The following LHFPL3 variants were observed in gnomAD, a reference collection of about 807,000 sequenced individuals.
The protein encoded by LHFPL3 is LHFPL tetraspan subfamily member 3.
A neutral mutation model predicts 19.3 loss-of-function variants in LHFPL3; 5 were observed. The observed-to-expected ratio is 0.26, with a 90% CI of 0.14 to 0.54. LHFPL3 has a LOEUF of 0.54. LHFPL3 is among the 20% of genes least tolerant of loss of function. The pLI, the probability that LHFPL3 is intolerant of heterozygous loss-of-function variation, is 0.94. For missense variants in LHFPL3, 249 were observed against 307.4 expected (o/e 0.81, Z 1.42); for synonymous variants, 133 against 126.2 (o/e 1.05, Z -0.36).
chr7:104,533,387 G>C (rs41068), intron 1 of LHFPL3, among the ~76,000 whole-genome samples: 120,859 of 152,080 alleles, frequency 0.79, 48,783 homozygotes, highest in African/African-American at 0.95. Flanking sequence ...TTTGTCTTCT[G>C]TTCCCCTCCC....
intron 1 of LHFPL3, among the ~76,000 whole-genome samples, chr7:104,452,346 C>A (rs971038416): frequency 1.3e-5 from 2 of 152,194 alleles, no homozygotes; most frequent in Admixed American, 1.3e-4. Context: ...AAGTTGTTTA[C>A]ACTTTTCATA....
At position 104,665,704 on chromosome 7, in the gene LHFPL3, G is replaced by C. The variant is rs539510804; in HGVS notation, c.446-70971G>C. Among the ~76,000 whole-genome samples the C allele has an allele frequency of 6.0e-4, 92 of 152,334 alleles. 1 individual carries two copies. In the South Asian group the frequency reaches 0.017, roughly 28 times the overall value. On this transcript the variant is annotated intron_variant, in intron 1 of 2. Coordinates refer to ENST00000424859, the MANE Select transcript of LHFPL3 (RefSeq NM_199000.3). ...AAGCTTAAATGCGTTTTTTATCTCT[G>C]CTCAAAGGTGAGTTATTTCAGATGC...
chr7:104,774,475 G>A lies in LHFPL3; in HGVS notation c.682+37564G>A, dbSNP rs1490555352. ...ACAATGGGTTCAGAATTTGGCCCCAGGCAGCCAGTCTCCAGAACCCAATTC... is the reference window on the plus strand; with the variant it reads ...ACAATGGGTTCAGAATTTGGCCCCAAGCAGCCAGTCTCCAGAACCCAATTC... On this transcript the variant is annotated intron_variant, in intron 2 of 2. Coordinates refer to ENST00000424859, the MANE Select transcript of LHFPL3 (RefSeq NM_199000.3). 2.0e-5 allele frequency among the ~76,000 whole-genome samples: 3 copies of A among 152,144 alleles called. No individual in the cohort carries two copies. In the East Asian group the frequency reaches 5.8e-4, roughly 29 times the overall value.
intron 2 of LHFPL3, among the ~76,000 whole-genome samples, chr7:104,762,436 A>G (rs1794389823): frequency 6.6e-6 from 1 of 152,194 alleles, no homozygotes; most frequent in South Asian, 2.1e-4. Flanking sequence ...AATCTCTACT[A>G]AGTAGCAAAT....
chr7:104,624,008 G>A (rs1347765589), intron 1 of LHFPL3, among the ~76,000 whole-genome samples: 1 of 152,230 alleles, frequency 6.6e-6, no homozygotes, highest in Non-Finnish European at 1.5e-5. Context: ...ACAAGCGACA[G>A]TGTCTAGTTC....
In LHFPL3 at chr7:104,329,240, C is replaced by A. The variant is rs1441189037; in HGVS notation, c.445+16C>A. The A allele has an allele frequency of 3.2e-6, 5 of 1,577,896 alleles. No individual in the cohort carries two copies. In the Admixed American group the frequency reaches 7.1e-5, roughly 22 times the overall value. On this transcript the variant is annotated intron_variant, in intron 1 of 2. Transcript: ENST00000424859. ...CTCACCTCCGGTGAGTGCGCGCTCA[C>A]CTCCGCGGAGGCGGAGGACCCCGGG...
At position 104,659,971 on chromosome 7, in the gene LHFPL3, C is replaced by A. The variant is rs77043238; in HGVS notation, c.446-76704C>A. Among the ~76,000 whole-genome samples the A allele has an allele frequency of 5.2e-3, 777 of 150,784 alleles. 42 individuals carry two copies. In the East Asian group the frequency reaches 0.11, roughly 22 times the overall value. ...CATTTTATGATCTTTCAAATTGATG[C>A]CTTCCTAGCCCTCCAGTTTGCCACA... On this transcript the variant is annotated intron_variant, in intron 1 of 2. Transcript: ENST00000424859.
chr7:104,643,198 C>T (rs1349138128), intron 1 of LHFPL3, among the ~76,000 whole-genome samples: 1 of 152,098 alleles, frequency 6.6e-6, no homozygotes. Context: ...GGAGGGCAGG[C>T]CTTCTGGTTT....
At chr7:104,499,463 T>C (rs1011361654) in intron 1 of LHFPL3, among the ~76,000 whole-genome samples, 4 of 152,228 alleles carry the variant, frequency 2.6e-5, no homozygotes, top group African/African-American at 9.6e-5. Flanking sequence ...CGAGCTCTTA[T>C]ATTCAAGATA....
chr7:104,826,965 C>T (rs1172903444), intron 2 of LHFPL3, among the ~76,000 whole-genome samples: 2 of 151,938 alleles, frequency 1.3e-5, no homozygotes, highest in African/African-American at 4.8e-5. Flanking sequence ...AAAGGATACC[C>T]TTGTGTGGAA....
chr7:104,673,664 A>G (rs1017280505), intron 1 of LHFPL3, among the ~76,000 whole-genome samples: 1 of 152,230 alleles, frequency 6.6e-6, no homozygotes, highest in Admixed American at 6.5e-5. Context: ...TCAGTTCAGA[A>G]GAGAGTTTGA....
At chr7:104,364,788 C>CA (rs1196544527) in intron 1 of LHFPL3, among the ~76,000 whole-genome samples, 1 of 152,152 alleles carries the variant, frequency 6.6e-6, no homozygotes, top group Non-Finnish European at 1.5e-5. Context: ...CTGTTTTCTT[C>CA]AACGGTAAGA....
intron 2 of LHFPL3, among the ~76,000 whole-genome samples, chr7:104,765,107 CTT>C (rs1794433476): frequency 6.6e-6 from 1 of 152,168 alleles, no homozygotes. Context: ...AAAGATGACA[CTT>C]TGTTGTTTGA....
intron 1 of LHFPL3, among the ~76,000 whole-genome samples, chr7:104,501,551 C>T (rs994917416): frequency 5.3e-5 from 8 of 152,096 alleles, no homozygotes; most frequent in Non-Finnish European, 1.0e-4. Flanking sequence ...CACCTCTATC[C>T]CCTAAACATA....
intron 1 of LHFPL3, among the ~76,000 whole-genome samples, chr7:104,722,479 C>G (rs188260998): frequency 3.3e-5 from 5 of 152,236 alleles, no homozygotes; most frequent in African/African-American, 1.2e-4. Flanking sequence ...TGTTTAAAGC[C>G]AAAATTTACC....
intron 1 of LHFPL3, among the ~76,000 whole-genome samples, chr7:104,504,438 T>A (rs1793658687): frequency 6.6e-6 from 1 of 152,214 alleles, no homozygotes; most frequent in South Asian, 2.1e-4. Flanking sequence ...TTTGATCACT[T>A]ATGTGTTTCC....
chr7:104,578,521 G>C (rs1394446303), intron 1 of LHFPL3, among the ~76,000 whole-genome samples: 1 of 152,158 alleles, frequency 6.6e-6, no homozygotes, highest in East Asian at 1.9e-4. Flanking sequence ...TGAAGAGTTT[G>C]ATATTATAAT....
At chr7:104,566,257 A>G (rs1405182924) in intron 1 of LHFPL3, among the ~76,000 whole-genome samples, 1 of 152,178 alleles carries the variant, frequency 6.6e-6, no homozygotes, top group East Asian at 1.9e-4. Flanking sequence ...AGGCTGAGGT[A>G]AGAAGATTGC....
intron 1 of LHFPL3, among the ~76,000 whole-genome samples, chr7:104,429,846 C>T (rs566275652): frequency 2.0e-5 from 3 of 151,992 alleles, no homozygotes; most frequent in East Asian, 1.9e-4. Context: ...ACTTTGAAGT[C>T]CAAGCCAAGA....
Sources: allele counts gnomAD v4.1 joint callset (sites outside exome capture counted in the v4.1 genomes callset), GRCh38; gene constraint gnomAD v4.1.1; transcripts MANE v1.5; gene names NCBI Gene and HGNC (gene_info 2026-07-23, HGNC 2026-07-21).